Variants in CEP162 observed in about 807,000 individuals in gnomAD.
The protein encoded by CEP162 is centrosomal protein 162.
Under a neutral mutation model 169.2 loss-of-function variants are expected in CEP162, and 141 were observed. The observed-to-expected ratio is 0.83, with a 90% CI of 0.73 to 0.96. The LOEUF (loss-of-function observed/expected upper bound fraction) is 0.96. Ranked by LOEUF, CEP162 falls within the 40% of genes least tolerant of loss-of-function variation. The pLI is 0.00. For missense variants in CEP162, 1,600 were observed against 1,587.2 expected (o/e 1.01, Z -0.14); for synonymous variants, 540 against 526.4 (o/e 1.03, Z -0.35).
rs770004857 is a variant in CEP162 at position 84,221,117 on chromosome 6, CT to C, written c.111del (p.Glu38ArgfsTer2). 62 of 1,603,386 alleles carry C rather than the reference CT, an allele frequency of 3.9e-5. No homozygotes were observed. Among genetic ancestry groups the C allele is most frequent in the Non-Finnish European group, 4.4e-5 (52 of 1,171,140 alleles). ...NSDKTARQSK[K>X]EMKKKDTVPW... ...GGCACTGTATCTTTCTTCTTCATCT[CT>C]TTTTTAGATTGTCTAGCTGTTTTGT... is the stretch of plus-strand genomic sequence containing the variant. On this transcript the variant is annotated frameshift_variant, in exon 3 of 27. Transcript: ENST00000403245. LOFTEE classifies it high-confidence loss of function.
intron 6 of CEP162, among the ~76,000 whole-genome samples, chr6:84,204,542 C>T (rs2099545959): frequency 1.3e-5 from 2 of 152,110 alleles, no homozygotes; most frequent in South Asian, 4.1e-4. Flanking sequence ...AGAACAAAGA[C>T]ACAACATACC....
intron 20 of CEP162, 143 bp from the exon 21 acceptor site, chr6:84,161,059 C>G (rs986604227): frequency 3.2e-6 from 2 of 632,822 alleles, no homozygotes; most frequent in Middle Eastern, 3.9e-4. Flanking sequence ...ATTCTTTGAG[C>G]TCCTCCCAAG....
intron 6 of CEP162, among the ~76,000 whole-genome samples, chr6:84,204,579 G>C (rs1262629475): frequency 6.6e-6 from 1 of 152,216 alleles, no homozygotes; most frequent in Non-Finnish European, 1.5e-5. Context: ...ATTTAAAGCA[G>C]TGTGTAGAGG....
chr6:84,221,146 G>T lies in CEP162; in HGVS notation c.83C>A (p.Ser28Ter). The T allele has an allele frequency of 6.3e-7, 1 of 1,583,086 alleles. No individual in the cohort carries two copies. The highest frequency in any genetic ancestry group is 1.1e-5 in the South Asian group (1 of 90,212). ...TTTAGATTGTCTAGCTGTTTTGTCT[G>T]AATTTTCAAAAGAATCATCTGAAAG... ...KELSDDSFEN[S>*]DKTARQSKKE... The change falls in exon 3 of 27, where the codon TCA becomes TAA. Residue 28 changes from serine to a stop codon, truncating the protein, a stop_gained. Transcript: ENST00000403245. LOFTEE classifies it high-confidence loss of function.
intron 24 of CEP162, among the ~76,000 whole-genome samples, chr6:84,147,638 GA>G (rs1239535089): frequency 2.0e-5 from 3 of 151,918 alleles, no homozygotes; most frequent in East Asian, 3.9e-4. Context: ...AAAAGGGGGG[GA>G]AAATAAATAT....
intron 6 of CEP162, among the ~76,000 whole-genome samples, chr6:84,212,732 C>T (rs1480969562): frequency 6.6e-6 from 1 of 151,980 alleles, no homozygotes; most frequent in Non-Finnish European, 1.5e-5. Context: ...TCAGATTGAA[C>T]AAAAATGCTA....
intron 3 of CEP162, among the ~76,000 whole-genome samples, chr6:84,219,642 T>C (rs1262695100): frequency 6.6e-6 from 1 of 152,194 alleles, no homozygotes; most frequent in Non-Finnish European, 1.5e-5. Flanking sequence ...TAAGAATTTA[T>C]AAAAAATGCA....
In CEP162 at chr6:84,180,844, G is replaced by C. The variant is rs2099534486; in HGVS notation, c.1663+4343C>G. On this transcript the variant is annotated intron_variant, in intron 13 of 26. Coordinates refer to ENST00000403245, the MANE Select transcript of CEP162 (RefSeq NM_014895.4). Reference sequence around the variant, plus strand: ...CAAAACACTGCTCAACGAAATAAAAGAGGACACAAACAAATGGAAGAACAT... The same window carrying C: ...CAAAACACTGCTCAACGAAATAAAACAGGACACAAACAAATGGAAGAACAT... Among the ~76,000 whole-genome samples, 4 of 152,264 alleles carry C rather than the reference G, an allele frequency of 2.6e-5. No individual in the cohort carries two copies. In the South Asian group the frequency reaches 8.3e-4, roughly 32 times the overall value.
At chr6:84,155,594 C>A (rs970557525) in intron 21 of CEP162, 84 bp from the exon 22 acceptor site, 3 of 905,386 alleles carry the variant, frequency 3.3e-6, no homozygotes, top group Non-Finnish European at 5.0e-6. Context: ...CTACAGAAAT[C>A]TCTGTATACA....
intron 7 of CEP162, 134 bp from the exon 8 acceptor site, chr6:84,201,901 T>C (rs2099544674): frequency 2.0e-6 from 1 of 508,306 alleles, no homozygotes; most frequent in Middle Eastern, 2.8e-4. Context: ...CTGTGTTTTC[T>C]AGGCTTCTTT....
intron 6 of CEP162, among the ~76,000 whole-genome samples, chr6:84,206,549 C>T (rs1222008735): frequency 1.3e-5 from 2 of 152,190 alleles, no homozygotes; most frequent in African/African-American, 4.8e-5. Flanking sequence ...CCTTTCCTTA[C>T]ACCTTACACA....
At chr6:84,148,554 A>T (rs2099519942) in intron 24 of CEP162, among the ~76,000 whole-genome samples, 1 of 152,106 alleles carries the variant, frequency 6.6e-6, no homozygotes, top group Non-Finnish European at 1.5e-5. Context: ...ATCTCTTTAG[A>T]ATAAGGGCAT....
chr6:84,212,110 T>G (rs2099549732), intron 6 of CEP162, among the ~76,000 whole-genome samples: 1 of 152,160 alleles, frequency 6.6e-6, no homozygotes, highest in South Asian at 2.1e-4. Context: ...GAGTATATTT[T>G]CAGACAAACA....
intron 23 of CEP162, among the ~76,000 whole-genome samples, chr6:84,150,982 T>C (rs1324547352): frequency 1.3e-5 from 2 of 152,120 alleles, no homozygotes; most frequent in Non-Finnish European, 2.9e-5. Flanking sequence ...AATCCTTTCT[T>C]GGTACATATT....
rs752262590 is a variant in CEP162 at position 84,155,303 on chromosome 6, T to C, written c.2989A>G (p.Met997Val). 30 of 1,612,832 alleles carry C rather than the reference T, an allele frequency of 1.9e-5. No homozygotes were observed. The Admixed American group carries it at 5.0e-4, about 27-fold the overall frequency. The change falls in exon 22 of 27, where the codon ATG becomes GTG. Residue 997 changes from methionine (M) to valine (V), a missense_variant. Met to Val is a conservative substitution (Grantham distance 21). Coordinates refer to ENST00000403245, the MANE Select transcript of CEP162 (RefSeq NM_014895.4). Reference protein sequence around the residue: ...LRTMEQQFQKMKIQYEQRLEQ... With the variant: ...LRTMEQQFQKVKIQYEQRLEQ... ...TGAGGCTACTTACCACTTACCTTCA[T>C]TTTCTGAAACTGTTGTTCCATGGTA...
At chr6:84,168,724 C>T (rs1313887764) in intron 18 of CEP162, among the ~76,000 whole-genome samples, 1 of 152,118 alleles carries the variant, frequency 6.6e-6, no homozygotes, top group Non-Finnish European at 1.5e-5. Flanking sequence ...CTTAAATTCC[C>T]AAACTCCTTC....
At chr6:84,179,097 T>C (rs2099533636) in intron 13 of CEP162, among the ~76,000 whole-genome samples, 1 of 152,210 alleles carries the variant, frequency 6.6e-6, no homozygotes, top group Non-Finnish European at 1.5e-5. Flanking sequence ...TTTTTGCTAT[T>C]GTGAATAGTG....
In CEP162 at chr6:84,183,626, C is replaced by T. The variant is rs999204465; in HGVS notation, c.1663+1561G>A. Among the ~76,000 whole-genome samples, 10 of 152,184 alleles carry T rather than the reference C, an allele frequency of 6.6e-5. No individual in the cohort carries two copies. The South Asian group carries it at 1.9e-3, about 28-fold the overall frequency. Reference sequence around the variant, plus strand: ...CATTGTGTCACACTCCATTGATGCCCTTTCTTCCTTCATTGCTCAGCTTAA... The same window carrying T: ...CATTGTGTCACACTCCATTGATGCCTTTTCTTCCTTCATTGCTCAGCTTAA... On this transcript the variant is annotated intron_variant, in intron 13 of 26. Coordinates refer to ENST00000403245, the MANE Select transcript of CEP162 (RefSeq NM_014895.4).
intron 18 of CEP162, among the ~76,000 whole-genome samples, chr6:84,167,630 C>A (rs548519608): frequency 8.6e-4 from 131 of 152,208 alleles, no homozygotes; most frequent in Middle Eastern, 3.4e-3. Context: ...GCATTTGTTT[C>A]TTCTAAATCT....
Sources: allele counts gnomAD v4.1 joint callset (sites outside exome capture counted in the v4.1 genomes callset), GRCh38; gene constraint gnomAD v4.1.1; transcripts MANE v1.5; gene names NCBI Gene and HGNC (gene_info 2026-07-23, HGNC 2026-07-21).